Variants in SPATA20 observed in about 807,000 individuals in gnomAD.
SPATA20 encodes the protein spermatogenesis-associated protein 20.
Under a neutral mutation model 98.9 loss-of-function variants are expected in SPATA20, and 74 were observed. That is an observed-to-expected ratio of 0.75 (90% CI 0.62 to 0.91). SPATA20 has a LOEUF of 0.91. SPATA20 is among the 40% of genes least tolerant of loss of function. The pLI is 0.00. For synonymous variants in SPATA20, 430 were observed against 440.5 expected, an observed-to-expected ratio of 0.98 and a Z score of 0.30; for missense variants, 1,016 against 1,069.8, an observed-to-expected ratio of 0.95 and a Z score of 0.70.
chr17:50,555,084 G>A, intron 15 of SPATA20, 148 bp from the exon 16 acceptor site: 1 of 642,638 alleles, frequency 1.6e-6, no homozygotes, highest in South Asian at 1.8e-5. Flanking sequence ...CACTTGCCAA[G>A]CATTAACTCA....
Position 50,555,574 on chromosome 17 carries a change from A to G in SPATA20, c.2321A>G (p.Asp774Gly), listed in dbSNP as rs1391317170. ...PFLSTLRRLE[D>G]QATAYVCENQ... The stretch of plus-strand genomic sequence containing the variant: ...CTGAGTACCCTCCGACGGTTGGAAG[A>G]CCAGGCCACTGCATATGTGTGTGAG... Residue 774 changes from aspartate to glycine, a missense_variant, in exon 17 of 17, where the codon GAC becomes GGC. Asp to Gly is a moderately conservative substitution (Grantham distance 94). Transcript: ENST00000006658. 2 of 1,613,936 alleles carry G rather than the reference A, an allele frequency of 1.2e-6. No homozygotes were observed. The highest frequency in any genetic ancestry group is 2.7e-5 in the African/African-American group (2 of 74,882).
rs751530264 is a variant in SPATA20, at chr17:50,549,306, C to G, written c.681C>G (p.Thr227=). Residue 227 remains threonine, a synonymous_variant, in exon 7 of 17, where the codon ACC becomes ACG. Coordinates refer to ENST00000006658, the MANE Select transcript of SPATA20 (RefSeq NM_022827.4). ...CGCAGTGGAAACAGAACAAGAACAC[C>G]CTGCTAGAAAATAGCCAGCGTGTCA... ...IREQWKQNKN[T]LLENSQRVTT... 6.2e-7 allele frequency: 1 copy of G among 1,612,374 alleles called. No individual in the cohort carries two copies. The highest frequency in any genetic ancestry group is 1.1e-5 in the South Asian group (1 of 91,064).
intron 14 of SPATA20, 39 bp downstream of exon 14, chr17:50,552,219 G>T: frequency 6.3e-7 from 1 of 1,578,210 alleles, no homozygotes; most frequent in African/African-American, 1.3e-5. Flanking sequence ...GTCCTGGGAG[G>T]TGTAAGTGCA....
intron 7 of SPATA20, 63 bp downstream of exon 7, chr17:50,549,550 A>G (rs2034976688): frequency 2.0e-6 from 3 of 1,505,406 alleles, no homozygotes; most frequent in East Asian, 4.8e-5. Context: ...CTGGTCAGGG[A>G]CCTACTGGCT....
In SPATA20 at chr17:50,549,482, C is replaced by T. The variant is rs547110186; in HGVS notation, c.857C>T (p.Thr286Met). 5.6e-6 allele frequency: 9 copies of T among 1,611,434 alleles called. No homozygotes were observed. The East Asian group carries it at 1.3e-4, about 24-fold the overall frequency. Residue 286 changes from threonine to methionine, a missense_variant, in exon 7 of 17, where the codon ACG becomes ATG. Transcript: ENST00000006658. ...GGFAEAPKFP[T>M]PVILSFLFSY... is the part of the protein sequence containing the mutation. ...TTCGCTGAGGCCCCCAAGTTTCCCA[C>T]GCCGGGTCAGTGCCCCACGCCCGCC...
intron 12 of SPATA20, 160 bp from the exon 13 acceptor site, chr17:50,551,351 C>T (rs911965223): frequency 1.7e-5 from 20 of 1,155,988 alleles, no homozygotes; most frequent in Admixed American, 7.9e-5. Flanking sequence ...CCCAAGGTCA[C>T]GCGCAAGGGC....
At chr17:50,551,839 G>A (rs966252191) in intron 13 of SPATA20, 130 bp from the exon 14 acceptor site, 3 of 1,194,340 alleles carry the variant, frequency 2.5e-6, no homozygotes, top group South Asian at 1.5e-5. Context: ...CTGGGAAGTG[G>A]GCTGATGGCA....
At chr17:50,550,635 G>C in intron 10 of SPATA20, 25 bp downstream of exon 10, 1 of 1,613,696 alleles carries the variant, frequency 6.2e-7, no homozygotes, top group Non-Finnish European at 8.5e-7. Flanking sequence ...TGGCAGGCAG[G>C]CCTGGCTGTG....
chr17:50,547,613 C>T (rs955353382), intron 1 of SPATA20, 107 bp from the exon 2 acceptor site: 16 of 753,886 alleles, frequency 2.1e-5, no homozygotes, highest in African/African-American at 1.4e-4. Flanking sequence ...TCCAATAGTA[C>T]CCTGTGCCCT....
In SPATA20 at chr17:50,552,162, C is replaced by G. The variant is rs1427583170; in HGVS notation, c.1939C>G (p.Pro647Ala). 1 of 1,613,466 alleles carries G rather than the reference C, an allele frequency of 6.2e-7. No individual in the cohort carries two copies. Among genetic ancestry groups the G allele is most frequent in the Non-Finnish European group, 8.5e-7 (1 of 1,179,986 alleles). ...CSEAELGAGL[P>A]LRLKDDQDGA... ...TGAGGCTGAGCTGGGGGCTGGCCTG[C>G]CCCTGCGTCTGAAGGACGGTCAGTG... is the stretch of plus-strand genomic sequence containing the variant. The change falls in exon 14 of 17, where the codon CCC (proline) becomes GCC (alanine). Residue 647 changes from proline (P) to alanine (A), a missense_variant. Coordinates refer to ENST00000006658, the MANE Select transcript of SPATA20 (RefSeq NM_022827.4).
chr17:50,550,632 C>T lies in SPATA20; in HGVS notation c.1173+22C>T, dbSNP rs758537581. 1.9e-6 allele frequency: 3 copies of T among 1,613,618 alleles called. No homozygotes were observed. The African/African-American group carries it at 4.0e-5, about 22-fold the overall frequency. The stretch of plus-strand genomic sequence containing the variant: ...CCGGGTGTGTGTCCATGGTGGCAGG[C>T]AGGCCTGGCTGTGGGAGGGGTTGGG... On this transcript the variant is annotated intron_variant, in intron 10 of 16. Coordinates refer to ENST00000006658, the MANE Select transcript of SPATA20 (RefSeq NM_022827.4).
chr17:50,548,249 C>A, intron 2 of SPATA20, 34 bp from the exon 3 acceptor site: 2 of 1,605,676 alleles, frequency 1.2e-6, no homozygotes, highest in Non-Finnish European at 1.7e-6. Context: ...TGGGTGGAGG[C>A]CCCTGGCTTG....
rs1452705810 is a variant in SPATA20 at position 50,547,298 on chromosome 17, G to A, written c.77+13G>A. 3.6e-6 allele frequency: 5 copies of A among 1,377,902 alleles called. No homozygotes were observed. In the African/African-American group the frequency reaches 4.5e-5, roughly 12 times the overall value. 85.4% of individuals were successfully genotyped at this position (1,377,902 alleles called of 1,614,324 possible). A position where few individuals can be genotyped will look rare whatever the true frequency, so the allele number is the denominator to read the frequency against. On this transcript the variant is annotated intron_variant, in intron 1 of 16. Coordinates refer to ENST00000006658, the MANE Select transcript of SPATA20 (RefSeq NM_022827.4). ...CCGCGAGCCGCAGGTACGGGCGGGC[G>A]AGCGGGCCCCTAGGGCACTCCCTGC... is the stretch of plus-strand genomic sequence containing the variant.
chr17:50,548,926 C>A lies in SPATA20; in HGVS notation c.478C>A (p.Arg160=), dbSNP rs191069312. The change falls in exon 5 of 17, where the codon CGG becomes AGG. Residue 160 remains arginine, a synonymous_variant. Coordinates refer to ENST00000006658, the MANE Select transcript of SPATA20 (RefSeq NM_022827.4). ...FVSVKVDREE[R]PDVDKVYMTF... ...GAGTGTGAAGGTAGACCGTGAGGAG[C>A]GGCCTGACGTGGACAAGGTGTACAT... The A allele has an allele frequency of 3.1e-6, 5 of 1,614,034 alleles. No homozygotes were observed. The highest frequency in any genetic ancestry group is 8.5e-7 in the Non-Finnish European group (1 of 1,180,018).
At position 50,548,421 on chromosome 17, in the gene SPATA20, C is replaced by T. The variant is rs1457493783; in HGVS notation, c.264C>T (p.Tyr88=). ...PNRLIHEKSP[Y]LLQHAYNPVD... The stretch of plus-strand genomic sequence containing the variant: ...GCCTGATCCACGAGAAGTCACCATA[C>T]CTCCTACAACATGCCTACAATCCTG... The change falls in exon 3 of 17, where the codon TAC becomes TAT. Residue 88 remains tyrosine (Y), a synonymous_variant. Transcript: ENST00000006658. 8.1e-6 allele frequency: 13 copies of T among 1,613,936 alleles called. No individual in the cohort carries two copies. The highest frequency in any genetic ancestry group is 1.7e-5 in the Admixed American group (1 of 59,988).
At chr17:50,548,006 C>G in intron 2 of SPATA20, 1 of 1,471,754 alleles carries the variant, frequency 6.8e-7, no homozygotes, top group Non-Finnish European at 9.0e-7. Flanking sequence ...CCCATTGTGA[C>G]CCGCCCTGAC....
Position 50,551,613 on chromosome 17 carries a change from T to G in SPATA20, c.1679T>G (p.Phe560Cys), listed in dbSNP as rs1317277058. ...NGAKFLKRHMFDVASGRLMRT... is the reference protein window; with the variant it reads ...NGAKFLKRHMCDVASGRLMRT... ...GCCAAGTTCCTGAAGCGGCACATGT[T>G]TGATGTGGCCAGTGGCCGCCTGATG... Residue 560 changes from phenylalanine to cysteine, a missense_variant, in exon 13 of 17, where the codon TTT (phenylalanine) becomes TGT (cysteine). Transcript: ENST00000006658. The G allele has an allele frequency of 6.2e-7, 1 of 1,607,210 alleles. No homozygotes were observed. The highest frequency in any genetic ancestry group is 1.1e-5 in the South Asian group (1 of 90,952).
At chr17:50,553,558 T>C (rs1217068894) in intron 14 of SPATA20, among the ~76,000 whole-genome samples, 1 of 67,670 alleles carries the variant, frequency 1.5e-5, no homozygotes, top group Non-Finnish European at 2.6e-5. Context: ...ACGGAAGCCG[T>C]CTTTTTTTTT....
intron 14 of SPATA20, among the ~76,000 whole-genome samples, chr17:50,553,099 A>G (rs1447012611): frequency 3.3e-5 from 5 of 152,350 alleles, no homozygotes; most frequent in South Asian, 4.1e-4. Flanking sequence ...GGTGAGTGCC[A>G]TGAAGAAGTA....
Sources: allele counts gnomAD v4.1 joint callset (sites outside exome capture counted in the v4.1 genomes callset), GRCh38; gene constraint gnomAD v4.1.1; transcripts MANE v1.5; gene names NCBI Gene and HGNC (gene_info 2026-07-23, HGNC 2026-07-21).